Variants in ANKRA2 observed in about 807,000 individuals in gnomAD.
The protein encoded by ANKRA2 is ankyrin repeat family A protein 2.
ANKRA2 carries 33 observed loss-of-function variants against 37.8 expected under a neutral mutation model. The observed-to-expected ratio is 0.87, with a 90% confidence interval of 0.66 to 1.17. The LOEUF is 1.17. Among genes scored for constraint, ANKRA2 ranks in the 50% most tolerant of loss-of-function variants. The pLI, the probability that ANKRA2 is intolerant of heterozygous loss-of-function variation, is 0.00. For synonymous variants in ANKRA2, 126 were observed against 132.3 expected (o/e 0.95, Z 0.33); for missense variants, 326 against 373.7 (o/e 0.87, Z 1.05).
rs1222823112 is a variant in ANKRA2 at position 73,552,833 on chromosome 5, T to C, written c.906A>G (p.Ser302=). 1.2e-6 allele frequency: 2 copies of C among 1,606,812 alleles called. No homozygotes were observed. Among genetic ancestry groups the C allele is most frequent in the Admixed American group, 3.4e-5 (2 of 59,700 alleles). Residue 302 remains serine (S), a synonymous_variant, in exon 9 of 9, where the codon TCA becomes TCG. Coordinates refer to ENST00000296785, the MANE Select transcript of ANKRA2 (RefSeq NM_023039.5). ...GYRSVQQVIE[S]HLLKLLQNIK... is the part of the protein sequence containing the mutation. Reference sequence around the variant, plus strand: ...TATTTTGAAGCAGCTTCAACAAATGTGACTCAATAACCTGTTGAACTAGAA... The same window carrying C: ...TATTTTGAAGCAGCTTCAACAAATGCGACTCAATAACCTGTTGAACTAGAA...
In ANKRA2 at chr5:73,552,841, T is replaced by C; in HGVS notation, c.898A>G (p.Ile300Val). 1 of 1,605,418 alleles carries C rather than the reference T, an allele frequency of 6.2e-7. No homozygotes were observed. Among genetic ancestry groups the C allele is most frequent in the Non-Finnish European group, 8.5e-7 (1 of 1,173,036 alleles). The change falls in exon 9 of 9, where the codon ATT becomes GTT. Residue 300 changes from isoleucine to valine, a missense_variant. Around this residue, in one of 3 missense-constraint regions of ANKRA2, gnomAD observed 228 missense variants for 260.2 expected, o/e 0.88. Transcript: ENST00000296785. ...ALGYRSVQQVIESHLLKLLQN... is the reference protein window; with the variant it reads ...ALGYRSVQQVVESHLLKLLQN... ...AGCAGCTTCAACAAATGTGACTCAA[T>C]AACCTGTTGAACTAGAACAGATAGG...
chr5:73,552,994 A>G (rs978416673), intron 8 of ANKRA2, 142 bp from the exon 9 acceptor site: 2 of 623,666 alleles, frequency 3.2e-6, no homozygotes, highest in Non-Finnish European at 5.5e-6. Flanking sequence ...GGGCAATAAT[A>G]CAATGCAATA....
chr5:73,559,917 C>T (rs1416292099), intron 3 of ANKRA2, among the ~76,000 whole-genome samples: 1 of 152,028 alleles, frequency 6.6e-6, no homozygotes, highest in Non-Finnish European at 1.5e-5. Flanking sequence ...TGCCACCACA[C>T]CTAGCTAATT....
Position 73,565,214 on chromosome 5 carries a change from T to C in ANKRA2, c.-187A>G, listed in dbSNP as rs889930181. 1.3e-5 allele frequency: 2 copies of C among 152,098 alleles called. No homozygotes were observed. The highest frequency in any genetic ancestry group is 4.8e-5 in the African/African-American group (2 of 41,356). The allele number at this position is 152,098 out of a possible 1,614,324, so 9.4% of individuals were successfully genotyped here. A position where few individuals can be genotyped will look rare whatever the true frequency, so the allele number is the denominator to read the frequency against. ...AGACTCTTGCAGGAAAGAAAGTCCG[T>C]TCTGTCGCCACCGGCCAGCTGTGCC... On this transcript the variant is annotated 5_prime_UTR_variant, in exon 1 of 9. Coordinates refer to ENST00000296785, the MANE Select transcript of ANKRA2 (RefSeq NM_023039.5).
In ANKRA2 at chr5:73,565,425, G is replaced by A. The variant is rs576902091; in HGVS notation, c.-398C>T. ...CCAAGCCCGGGCTTGTTTTGGCCGC[G>A]ACGTCACTTCCGATTTCTTCTTTCG... is the stretch of plus-strand genomic sequence containing the variant. On this transcript the variant is annotated 5_prime_UTR_variant, in exon 1 of 9. Transcript: ENST00000296785. The A allele has an allele frequency of 5.0e-4, 113 of 228,094 alleles. No homozygotes were observed. The highest frequency in any genetic ancestry group is 2.5e-3 in the African/African-American group (108 of 43,152). The allele number at this position is 228,094 out of a possible 1,614,324, so 14.1% of individuals were successfully genotyped here.
intron 3 of ANKRA2, among the ~76,000 whole-genome samples, chr5:73,559,628 AATT>A (rs1287804136): frequency 1.3e-5 from 2 of 149,470 alleles, no homozygotes; most frequent in Admixed American, 6.9e-5. Flanking sequence ...AAGGGCTCAG[AATT>A]ATTATTTTTA....
chr5:73,554,431 A>T (rs780584037), intron 6 of ANKRA2, 43 bp from the exon 7 acceptor site: 1 of 1,373,658 alleles, frequency 7.3e-7, no homozygotes, highest in South Asian at 1.2e-5. Context: ...ACGGTGAGCA[A>T]GACTCAAGTA....
chr5:73,554,443 T>C lies in ANKRA2; in HGVS notation c.739-55A>G, dbSNP rs1051251252. 6.4e-6 allele frequency: 8 copies of C among 1,258,904 alleles called. No homozygotes were observed. The African/African-American group carries it at 1.2e-4, about 19-fold the overall frequency. 78.0% of individuals were successfully genotyped at this position (1,258,904 alleles called of 1,614,324 possible). A position where few individuals can be genotyped will look rare whatever the true frequency, so the allele number is the denominator to read the frequency against. Reference sequence around the variant, plus strand: ...TTCACGGTGAGCAAGACTCAAGTAATTTAATGCTGCTGTAAGAAGTTTTAC... The same window carrying C: ...TTCACGGTGAGCAAGACTCAAGTAACTTAATGCTGCTGTAAGAAGTTTTAC... On this transcript the variant is annotated intron_variant, in intron 6 of 8. Coordinates refer to ENST00000296785, the MANE Select transcript of ANKRA2 (RefSeq NM_023039.5).
chr5:73,564,253 T>C (rs1033432070), intron 1 of ANKRA2, among the ~76,000 whole-genome samples: 3 of 152,218 alleles, frequency 2.0e-5, no homozygotes, highest in Non-Finnish European at 4.4e-5. Flanking sequence ...GACTGGACAA[T>C]GTGAACTGTG....
Position 73,555,531 on chromosome 5 carries a change from G to A in ANKRA2, c.569C>T (p.Ala190Val). Residue 190 changes from alanine to valine, a missense_variant, in exon 5 of 9, where the codon GCA (alanine) becomes GTA (valine). Physicochemically the swap from Ala to Val is moderately conservative, Grantham distance 64. Around this residue, in one of 3 missense-constraint regions of ANKRA2, gnomAD observed 228 missense variants for 260.2 expected, o/e 0.88. Transcript: ENST00000296785. The stretch of plus-strand genomic sequence containing the variant: ...TACCACAGCTATTTGCCCGTGTGCT[G>A]CAGCCCACATCAGAGGAGTAAATCC... ...EEGFTPLMWA[A>V]AHGQIAVVEF... The A allele has an allele frequency of 6.2e-7, 1 of 1,613,952 alleles. No homozygotes were observed. The highest frequency in any genetic ancestry group is 8.5e-7 in the Non-Finnish European group (1 of 1,179,922).
chr5:73,562,939 G>T lies in ANKRA2; in HGVS notation c.-58C>A. 1 of 1,460,352 alleles carries T rather than the reference G, an allele frequency of 6.8e-7. No homozygotes were observed. The highest frequency in any genetic ancestry group is 2.1e-5 in the Admixed American group (1 of 47,966). 90.5% of individuals were successfully genotyped at this position (1,460,352 alleles called of 1,614,324 possible). A position where few individuals can be genotyped will look rare whatever the true frequency, so the allele number is the denominator to read the frequency against. On this transcript the variant is annotated 5_prime_UTR_variant, in exon 2 of 9. Transcript: ENST00000296785. The stretch of plus-strand genomic sequence containing the variant: ...TTCTTCATGATTTCCTCTTGGTTTT[G>T]TAAGAGCAGTATCCAGTGTGTTCTT...
intron 7 of ANKRA2, 151 bp downstream of exon 7, chr5:73,554,170 CT>C: frequency 1.5e-6 from 1 of 688,152 alleles, no homozygotes; most frequent in Non-Finnish European, 2.5e-6. Context: ...ACATGGGCAA[CT>C]TTTGGTGGCA....
At chr5:73,553,573 G>T (rs770915734) in intron 7 of ANKRA2, 87 bp from the exon 8 acceptor site, 30 of 1,136,184 alleles carry the variant, frequency 2.6e-5, no homozygotes, top group Non-Finnish European at 3.8e-5. Flanking sequence ...TAGCTGGAGA[G>T]ATTTTTCAGT....
At chr5:73,554,511 G>A in intron 6 of ANKRA2, 123 bp from the exon 7 acceptor site, 1 of 678,802 alleles carries the variant, frequency 1.5e-6, no homozygotes, top group Non-Finnish European at 2.5e-6. Flanking sequence ...TTAATATTTT[G>A]TGAAGGATAC....
chr5:73,565,096 G>C (rs1747691738), intron 1 of ANKRA2, 36 bp downstream of exon 1: 1 of 152,194 alleles, frequency 6.6e-6, no homozygotes, highest in African/African-American at 2.4e-5. Flanking sequence ...ATTCTACAAG[G>C]AGAGGAAGGT....
In ANKRA2 at chr5:73,556,882, G is replaced by T. The variant is rs143407618; in HGVS notation, c.514+693C>A. ...GTCAGATTAGCAAAATTTGGAATCT[G>T]CTAATATCCTGTATCAGTGAGGGCG... On this transcript the variant is annotated intron_variant, in intron 4 of 8. Coordinates refer to ENST00000296785, the MANE Select transcript of ANKRA2 (RefSeq NM_023039.5). Among the ~76,000 whole-genome samples the T allele has an allele frequency of 4.9e-3, 747 of 151,662 alleles. 7 individuals are homozygous for T. Among genetic ancestry groups the T allele is most frequent in the African/African-American group, 0.017 (718 of 41,400 alleles).
chr5:73,557,654 AT>A lies in ANKRA2; in HGVS notation c.449-15del. On this transcript the variant is annotated splice_polypyrimidine_tract_variant and intron_variant, in intron 3 of 8. Transcript: ENST00000296785. ...GAACAGACAAAGCTGAAAGAGTATCATAAAATGCTTCATGAATTATCTATAG... is the reference window on the plus strand; with the variant it reads ...GAACAGACAAAGCTGAAAGAGTATCAAAAATGCTTCATGAATTATCTATAG... The A allele has an allele frequency of 6.3e-7, 1 of 1,597,946 alleles. No individual in the cohort carries two copies. The highest frequency in any genetic ancestry group is 2.2e-5 in the East Asian group (1 of 44,672).
intron 1 of ANKRA2, among the ~76,000 whole-genome samples, chr5:73,564,856 A>C (rs1747675988): frequency 6.6e-6 from 1 of 151,932 alleles, no homozygotes; most frequent in East Asian, 2.0e-4. Context: ...GTAGGCCAAA[A>C]TTTTGAAGAA....
At position 73,562,652 on chromosome 5, in the gene ANKRA2, C is replaced by T; in HGVS notation, c.230G>A (p.Ser77Asn). Residue 77 changes from serine (S) to asparagine (N), a missense_variant, in exon 2 of 9, where the codon AGT becomes AAT. This residue lies in a region of ANKRA2 where 5 missense variants were observed against 22.4 expected (regional missense o/e 0.22). Transcript: ENST00000296785. Reference protein sequence around the residue: ...RFVKSLNEEDSKNIQDQVNSD... With the variant: ...RFVKSLNEEDNKNIQDQVNSD... ...GTTAACCTGATCTTGAATATTTTTA[C>T]TATCTTCTTCATTTAAGGACTTCAC... is the stretch of plus-strand genomic sequence containing the variant. 6.2e-7 allele frequency: 1 copy of T among 1,614,102 alleles called. No individual in the cohort carries two copies.
Sources: allele counts gnomAD v4.1 joint callset (sites outside exome capture counted in the v4.1 genomes callset), GRCh38; gene constraint gnomAD v4.1.1; regional missense constraint gnomAD v4.1.1; transcripts MANE v1.5; gene names NCBI Gene and HGNC (gene_info 2026-07-23, HGNC 2026-07-21).